The following NALF1 variants were observed in gnomAD, a reference collection of about 807,000 sequenced individuals.
NALF1 encodes the protein family with sequence similarity 155 member A.
Under a neutral mutation model 48.4 loss-of-function variants are expected in NALF1, and 3 were observed. The observed-to-expected ratio is 0.06, with a 90% CI of 0.03 to 0.16. The LOEUF (loss-of-function observed/expected upper bound fraction) is 0.16. Among genes scored for constraint, NALF1 ranks in the 10% least tolerant of loss-of-function variants. NALF1 has a pLI of 1.00. For synonymous variants in NALF1, 262 were observed against 245.7 expected, an observed-to-expected ratio of 1.07 and a Z score of -0.62; for missense variants, 526 against 571.5, an observed-to-expected ratio of 0.92 and a Z score of 0.81.
chr13:107,535,526 G>A (rs550459971), intron 1 of NALF1, among the ~76,000 whole-genome samples: 120 of 152,220 alleles, frequency 7.9e-4, no homozygotes, highest in African/African-American at 2.4e-3. Context: ...CAAGGGATGT[G>A]AAGAACCTCT....
chr13:107,759,892 C>A (rs915864374), intron 1 of NALF1, among the ~76,000 whole-genome samples: 1 of 152,082 alleles, frequency 6.6e-6, no homozygotes, highest in East Asian at 1.9e-4. Flanking sequence ...AAGAGCCCAT[C>A]AAGACAGCAC....
intron 1 of NALF1, among the ~76,000 whole-genome samples, chr13:107,802,756 G>A (rs546167603): frequency 2.0e-4 from 30 of 152,028 alleles, no homozygotes; most frequent in Middle Eastern, 3.4e-3. Context: ...ATAACTGAAC[G>A]AATAAATAAA....
chr13:107,812,096 A>G (rs1444415385), intron 1 of NALF1, among the ~76,000 whole-genome samples: 4 of 152,208 alleles, frequency 2.6e-5, no homozygotes, highest in Non-Finnish European at 2.9e-5. Flanking sequence ...AGAATTATTA[A>G]TAGCAGCATT....
At chr13:107,245,438 G>A (rs4771563) in intron 1 of NALF1, among the ~76,000 whole-genome samples, 2 of 151,982 alleles carry the variant, frequency 1.3e-5, no homozygotes, top group Non-Finnish European at 1.5e-5. Flanking sequence ...AGGCCTCCAA[G>A]TTATCTGGCT....
At chr13:107,507,622 A>AAAAAG (rs1566370406) in intron 1 of NALF1, among the ~76,000 whole-genome samples, 5 of 129,054 alleles carry the variant, frequency 3.9e-5, no homozygotes. Context: ...AAAAAAAAAA[A>AAAAAG]GGGGCAAACA....
intron 1 of NALF1, among the ~76,000 whole-genome samples, chr13:107,680,590 G>A (rs1468697520): frequency 7.2e-6 from 1 of 138,262 alleles, no homozygotes; most frequent in Non-Finnish European, 1.6e-5. Context: ...GTGACTGTGT[G>A]TGAGGATGTA....
In NALF1 at chr13:107,608,372, C is replaced by T. The variant is rs148334209; in HGVS notation, c.915+257310G>A. On this transcript the variant is annotated intron_variant, in intron 1 of 2. Coordinates refer to ENST00000375915, the MANE Select transcript of NALF1 (RefSeq NM_001080396.3). The stretch of plus-strand genomic sequence containing the variant: ...GAATGAAAGAATCTACAGATAATTC[C>T]AGGCCCCCTATTGCAAGTTGGAGGA... Among the ~76,000 whole-genome samples the T allele has an allele frequency of 4.8e-3, 728 of 152,272 alleles. 3 individuals are homozygous for T. Among genetic ancestry groups the T allele is most frequent in the African/African-American group, 0.017 (705 of 41,542 alleles).
intron 1 of NALF1, among the ~76,000 whole-genome samples, chr13:107,591,744 T>A (rs1281588308): frequency 6.6e-6 from 1 of 152,034 alleles, no homozygotes; most frequent in Non-Finnish European, 1.5e-5. Flanking sequence ...TATTTGCTTT[T>A]CAAACGCGAA....
chr13:107,850,884 C>G (rs556606071), intron 1 of NALF1, among the ~76,000 whole-genome samples: 88 of 151,610 alleles, frequency 5.8e-4, no homozygotes, highest in Non-Finnish European at 1.0e-3. Context: ...GCCTGGATGA[C>G]AGAGCGAGAC....
chr13:107,456,918 T>TA (rs1412294889), intron 1 of NALF1, among the ~76,000 whole-genome samples: 2 of 152,176 alleles, frequency 1.3e-5, no homozygotes, highest in African/African-American at 4.8e-5. Context: ...CAAGAAGTTG[T>TA]ATAAATTACC....
At chr13:107,729,877 T>C (rs922740632) in intron 1 of NALF1, among the ~76,000 whole-genome samples, 2 of 152,226 alleles carry the variant, frequency 1.3e-5, no homozygotes, top group African/African-American at 4.8e-5. Context: ...ATTTATTAGA[T>C]GGACCTTGAT....
At chr13:107,440,317 A>G (rs1034544112) in intron 1 of NALF1, among the ~76,000 whole-genome samples, 1 of 152,216 alleles carries the variant, frequency 6.6e-6, no homozygotes. Flanking sequence ...GATGAGAGAA[A>G]CGTATTAACT....
chr13:107,436,849 A>G (rs1884471352), intron 1 of NALF1, among the ~76,000 whole-genome samples: 1 of 152,220 alleles, frequency 6.6e-6, no homozygotes, highest in Non-Finnish European at 1.5e-5. Context: ...AACAATTATT[A>G]GAATTAATGC....
chr13:107,277,987 G>T (rs1347509714), intron 1 of NALF1, among the ~76,000 whole-genome samples: 2 of 152,072 alleles, frequency 1.3e-5, no homozygotes, highest in Non-Finnish European at 2.9e-5. Context: ...TAATAATTAA[G>T]AGAAAAAAAT....
At chr13:107,572,272 C>T (rs932635257) in intron 1 of NALF1, among the ~76,000 whole-genome samples, 3 of 151,984 alleles carry the variant, frequency 2.0e-5, no homozygotes, top group Non-Finnish European at 4.4e-5. Context: ...TTTTTTTCAA[C>T]GACCTTCTGG....
intron 1 of NALF1, among the ~76,000 whole-genome samples, chr13:107,570,370 C>T (rs1281285873): frequency 6.6e-6 from 1 of 151,790 alleles, no homozygotes; most frequent in African/African-American, 2.4e-5. Context: ...TCTCTCTATT[C>T]CTAGTATAAT....
At chr13:107,375,594 T>A (rs1883322196) in intron 1 of NALF1, among the ~76,000 whole-genome samples, 1 of 152,078 alleles carries the variant, frequency 6.6e-6, no homozygotes, top group African/African-American at 2.4e-5. Context: ...AAAAATGGAA[T>A]AATAGGTATA....
chr13:107,804,138 G>A (rs971492844), intron 1 of NALF1, among the ~76,000 whole-genome samples: 5 of 152,056 alleles, frequency 3.3e-5, no homozygotes, highest in South Asian at 2.1e-4. Context: ...GCCTACAAGT[G>A]CCTAACCCAC....
At chr13:107,207,553 C>G (rs536773383) in intron 2 of NALF1, among the ~76,000 whole-genome samples, 3 of 152,338 alleles carry the variant, frequency 2.0e-5, no homozygotes, top group African/African-American at 7.2e-5. Context: ...GAAACCCATT[C>G]TGGGGCCCAT....
Sources: gnomAD v4.1 joint callset for allele counts (sites outside exome capture counted in the v4.1 genomes callset) on GRCh38, gnomAD v4.1.1 for gene constraint, MANE v1.5 for transcripts, NCBI Gene and HGNC (gene_info 2026-07-23, HGNC 2026-07-21) for gene names.